Variants in PLB1 observed in about 807,000 individuals in gnomAD.
PLB1 encodes the protein phospholipase B1.
Under a neutral mutation model 227.4 loss-of-function variants are expected in PLB1, and 242 were observed. That is an observed-to-expected ratio of 1.06 (90% CI 0.96 to 1.18). PLB1 has a LOEUF of 1.18. PLB1 is among the 50% of genes most tolerant of loss of function. The probability of loss-of-function intolerance (pLI) is 0.00; values close to 1 mark genes in which losing one functional copy is unlikely to be tolerated. For missense variants in PLB1, 1,858 were observed against 1,816.3 expected, an observed-to-expected ratio of 1.02 and a Z score of -0.42; for synonymous variants, 757 against 682.2, an observed-to-expected ratio of 1.11 and a Z score of -1.71.
At chr2:28,585,362 G>A (rs568314876) in intron 25 of PLB1, among the ~76,000 whole-genome samples, 4 of 151,496 alleles carry the variant, frequency 2.6e-5, no homozygotes, top group African/African-American at 4.8e-5. Context: ...TGCAACCTCC[G>A]CCTCCCGGGT....
intron 15 of PLB1, 36 bp from the exon 16 acceptor site, chr2:28,549,974 A>G: frequency 3.2e-6 from 5 of 1,564,298 alleles, no homozygotes; most frequent in Non-Finnish European, 4.4e-6. Flanking sequence ...ACAGACTTCT[A>G]GGGTCACGAT....
chr2:28,575,898 A>G (rs1678847076), intron 21 of PLB1, among the ~76,000 whole-genome samples: 1 of 152,042 alleles, frequency 6.6e-6, no homozygotes, highest in South Asian at 2.1e-4. Flanking sequence ...TTTCCTTTTG[A>G]TGGGGATAGG....
intron 21 of PLB1, 43 bp from the exon 22 acceptor site, chr2:28,578,064 A>G: frequency 3.8e-6 from 6 of 1,596,712 alleles, no homozygotes; most frequent in Non-Finnish European, 5.2e-6. Flanking sequence ...GGCCCCTGCC[A>G]GTCCCCACTC....
chr2:28,601,848 C>T, intron 37 of PLB1, 51 bp from the exon 38 acceptor site: 1 of 1,466,396 alleles, frequency 6.8e-7, no homozygotes, highest in Non-Finnish European at 9.6e-7. Flanking sequence ...TGCCCCACTG[C>T]CCTCCCACCC....
intron 49 of PLB1, among the ~76,000 whole-genome samples, chr2:28,622,227 AAC>A (rs1303675656): frequency 1.3e-5 from 2 of 152,250 alleles, no homozygotes; most frequent in African/African-American, 4.8e-5. Context: ...ACCATAGCAG[AAC>A]ACCTAATATC....
At chr2:28,604,597 C>A in intron 40 of PLB1, 58 bp from the exon 41 acceptor site, 1 of 1,448,174 alleles carries the variant, frequency 6.9e-7, no homozygotes. Context: ...ACTCTTGCCT[C>A]ACTGGGTCCT....
chr2:28,564,679 C>T (rs1448203543), intron 18 of PLB1, among the ~76,000 whole-genome samples: 2 of 152,168 alleles, frequency 1.3e-5, no homozygotes, highest in African/African-American at 2.4e-5. Context: ...GGGATCACAC[C>T]TGGGGGGCCT....
chr2:28,519,978 G>C (rs1558657959), intron 4 of PLB1, among the ~76,000 whole-genome samples: 1 of 151,912 alleles, frequency 6.6e-6, no homozygotes, highest in African/African-American at 2.4e-5. Context: ...ACCCGGGCTG[G>C]AGTGTAATGG....
At chr2:28,549,220 C>T (rs772040225) in intron 15 of PLB1, among the ~76,000 whole-genome samples, 19 of 152,142 alleles carry the variant, frequency 1.2e-4, no homozygotes, top group Non-Finnish European at 1.3e-4. Context: ...CCCTCTGCCC[C>T]AGATGCCATT....
At chr2:28,637,505 G>A (rs1291624079) in intron 56 of PLB1, among the ~76,000 whole-genome samples, 2 of 151,984 alleles carry the variant, frequency 1.3e-5, no homozygotes, top group Non-Finnish European at 2.9e-5. Context: ...CTGTATAAAA[G>A]AAAACCTGAC....
intron 9 of PLB1, among the ~76,000 whole-genome samples, chr2:28,538,029 T>C (rs1212834154): frequency 6.6e-6 from 1 of 152,210 alleles, no homozygotes; most frequent in African/African-American, 2.4e-5. Context: ...CACCAGGTAT[T>C]TCTGATCTTG....
intron 21 of PLB1, among the ~76,000 whole-genome samples, chr2:28,573,973 C>T (rs921585231): frequency 6.6e-6 from 1 of 152,196 alleles, no homozygotes; most frequent in Non-Finnish European, 1.5e-5. Context: ...TCAGTGAGCA[C>T]GGCCATCACT....
rs748990040 is a variant in PLB1 at position 28,591,747 on chromosome 2, G to T, written c.2175G>T (p.Leu725Phe). The T allele has an allele frequency of 7.4e-6, 12 of 1,613,850 alleles. No homozygotes were observed. The highest frequency in any genetic ancestry group is 2.2e-5 in the East Asian group (1 of 44,880). ...GCAGGGACAGAGCCCCTTCTGCCTT[G>T]CACCCTACCTCAGGTAAGCCCCCTA... ...LPCRDRAPSA[L>F]HPTSVHALRP... The change falls in exon 31 of 58, where the codon TTG becomes TTT. Residue 725 changes from leucine (L) to phenylalanine (F), a missense_variant. Transcript: ENST00000327757.
At chr2:28,521,849 G>A (rs1669570766) in intron 4 of PLB1, among the ~76,000 whole-genome samples, 1 of 151,836 alleles carries the variant, frequency 6.6e-6, no homozygotes, top group Non-Finnish European at 1.5e-5. Flanking sequence ...TACCTCCCAC[G>A]CCTGAACCAG....
chr2:28,538,486 C>A, intron 10 of PLB1, 105 bp downstream of exon 10: 1 of 1,058,026 alleles, frequency 9.5e-7, no homozygotes, highest in Non-Finnish European at 1.4e-6. Context: ...GAGACTGGGA[C>A]CCTCGGGAAA....
At chr2:28,633,237 T>C (rs1688890825) in intron 56 of PLB1, 198 bp downstream of exon 56, 1 of 561,826 alleles carries the variant, frequency 1.8e-6, no homozygotes, top group African/African-American at 1.9e-5. Context: ...TTGAAAGTTA[T>C]ACAAACACAC....
chr2:28,509,080 G>T (rs1397682223), intron 1 of PLB1, among the ~76,000 whole-genome samples: 1 of 152,160 alleles, frequency 6.6e-6, no homozygotes, highest in Non-Finnish European at 1.5e-5. Flanking sequence ...TTTTATAGAT[G>T]AGGAAGTCAA....
Position 28,643,249 on chromosome 2 carries a change from A to G in PLB1, c.*188A>G, listed in dbSNP as rs1413468644. ...GCTCCTGGAATGGATACATTTAAAT[A>G]AAGTCCAAAGCTATTTTATTCCTGG... On this transcript the variant is annotated 3_prime_UTR_variant, in exon 58 of 58. Transcript: ENST00000327757. 6 of 517,184 alleles carry G rather than the reference A, an allele frequency of 1.2e-5. No individual in the cohort carries two copies. The highest frequency in any genetic ancestry group is 2.0e-5 in the Non-Finnish European group (6 of 294,532). 32.0% of individuals were successfully genotyped at this position (517,184 alleles called of 1,614,324 possible).
chr2:28,624,492 G>A (rs187458993), intron 49 of PLB1, among the ~76,000 whole-genome samples: 2 of 152,142 alleles, frequency 1.3e-5, no homozygotes, highest in African/African-American at 4.8e-5. Context: ...AGGGGATGAA[G>A]GGAGAACTAA....
Sources: allele counts gnomAD v4.1 joint callset (sites outside exome capture counted in the v4.1 genomes callset), GRCh38; gene constraint gnomAD v4.1.1; transcripts MANE v1.5; gene names NCBI Gene and HGNC (gene_info 2026-07-23, HGNC 2026-07-21).